Variants in RALGAPA2 observed in about 807,000 individuals in gnomAD.
The protein encoded by RALGAPA2 is ral GTPase-activating protein subunit alpha-2.
RALGAPA2 carries 139 observed loss-of-function variants against 230.4 expected under a neutral mutation model. The ratio of observed to expected loss-of-function variants is 0.60; its 90% CI spans 0.53 to 0.69. The LOEUF is 0.69. RALGAPA2 is among the 30% of genes least tolerant of loss of function. The pLI, the probability that RALGAPA2 is intolerant of heterozygous loss-of-function variation, is 0.00. For missense variants in RALGAPA2, 2,163 were observed against 2,276.0 expected, an observed-to-expected ratio of 0.95 and a Z score of 1.01; for synonymous variants, 847 against 837.8, an observed-to-expected ratio of 1.01 and a Z score of -0.19.
intron 1 of RALGAPA2, among the ~76,000 whole-genome samples, chr20:20,701,629 C>A (rs1332358056): frequency 6.6e-6 from 1 of 152,120 alleles, no homozygotes; most frequent in Non-Finnish European, 1.5e-5. Flanking sequence ...ACTGGAGAGG[C>A]TGAGGCAGGA....
chr20:20,624,732 AT>A (rs909438046), intron 10 of RALGAPA2, among the ~76,000 whole-genome samples: 1 of 151,714 alleles, frequency 6.6e-6, no homozygotes, highest in African/African-American at 2.4e-5. Flanking sequence ...CGTTATTATA[AT>A]TTTTTTTTAG....
chr20:20,699,121 GGTTA>G (rs1163963018), intron 1 of RALGAPA2, among the ~76,000 whole-genome samples: 1 of 150,690 alleles, frequency 6.6e-6, no homozygotes, highest in Non-Finnish European at 1.5e-5. Flanking sequence ...CAATTTTTCT[GGTTA>G]ATTACACGTT....
chr20:20,584,890 T>C lies in RALGAPA2; in HGVS notation c.2505A>G (p.Gln835=), dbSNP rs1255512248. ...LDLKDDLQQT[Q]GKCRERQKSE... ...TCTTCTGTCTTTCCCTACATTTTCC[T>C]TGTGTCTGCTGCAAATCATCTTTCA... is the stretch of plus-strand genomic sequence containing the variant. Residue 835 remains glutamine (Q), a synonymous_variant, in exon 19 of 40, where the codon CAA becomes CAG. Coordinates refer to ENST00000202677, the MANE Select transcript of RALGAPA2 (RefSeq NM_020343.4). 1 of 1,611,626 alleles carries C rather than the reference T, an allele frequency of 6.2e-7. No homozygotes were observed. Among genetic ancestry groups the C allele is most frequent in the South Asian group, 1.1e-5 (1 of 90,810 alleles).
At chr20:20,456,693 T>A (rs1283255264) in intron 37 of RALGAPA2, among the ~76,000 whole-genome samples, 1 of 152,226 alleles carries the variant, frequency 6.6e-6, no homozygotes, top group Non-Finnish European at 1.5e-5. Context: ...CCCAAGCTGT[T>A]CCAGCTATGC....
At chr20:20,658,063 C>T (rs2067650287) in intron 3 of RALGAPA2, among the ~76,000 whole-genome samples, 2 of 152,178 alleles carry the variant, frequency 1.3e-5, no homozygotes, top group South Asian at 4.1e-4. Context: ...AAAGTAATTT[C>T]CAGCTTATTC....
chr20:20,540,076 G>A (rs149352507), intron 24 of RALGAPA2, among the ~76,000 whole-genome samples: 15 of 152,334 alleles, frequency 9.8e-5, no homozygotes, highest in African/African-American at 3.1e-4. Flanking sequence ...ACATGGGAGT[G>A]CAGATATTTC....
intron 13 of RALGAPA2, among the ~76,000 whole-genome samples, chr20:20,612,272 A>T (rs1401183217): frequency 6.6e-6 from 1 of 152,130 alleles, no homozygotes; most frequent in African/African-American, 2.4e-5. Flanking sequence ...ATCATCTTTC[A>T]TATGTAAGAG....
At chr20:20,696,635 A>C (rs1603252099) in intron 1 of RALGAPA2, among the ~76,000 whole-genome samples, 10 of 139,880 alleles carry the variant, frequency 7.1e-5, no homozygotes, top group Admixed American at 1.5e-4. Flanking sequence ...TCTATCCTCC[A>C]CCCCTCCACC....
intron 23 of RALGAPA2, among the ~76,000 whole-genome samples, chr20:20,560,701 C>T (rs552372788): frequency 1.3e-5 from 2 of 152,254 alleles, no homozygotes; most frequent in African/African-American, 2.4e-5. Context: ...GTTAATGTAT[C>T]CTCCTTCCCC....
At chr20:20,705,832 C>T (rs1428115888) in intron 1 of RALGAPA2, among the ~76,000 whole-genome samples, 1 of 152,174 alleles carries the variant, frequency 6.6e-6, no homozygotes, top group African/African-American at 2.4e-5. Context: ...CCACCCCTGG[C>T]TAATTTTTGT....
intron 1 of RALGAPA2, among the ~76,000 whole-genome samples, chr20:20,709,996 T>C (rs2069784766): frequency 6.6e-6 from 1 of 152,202 alleles, no homozygotes; most frequent in African/African-American, 2.4e-5. Flanking sequence ...TTATTCATCA[T>C]ACTCACAATA....
At chr20:20,659,728 T>C in intron 3 of RALGAPA2, 2 of 728,596 alleles carry the variant, frequency 2.7e-6, no homozygotes, top group East Asian at 4.1e-5. Flanking sequence ...GTTATACACC[T>C]TGAAAGATGA....
intron 2 of RALGAPA2, among the ~76,000 whole-genome samples, chr20:20,679,685 A>G (rs2068456064): frequency 6.6e-6 from 1 of 152,122 alleles, no homozygotes. Flanking sequence ...CCCCTCCAGC[A>G]GCAGTGCCGC....
intron 37 of RALGAPA2, among the ~76,000 whole-genome samples, chr20:20,442,492 G>A (rs2060759951): frequency 6.6e-6 from 1 of 152,202 alleles, no homozygotes; most frequent in African/African-American, 2.4e-5. Flanking sequence ...CTCAAAGCAA[G>A]CACCAAAGAA....
At position 20,629,607 on chromosome 20, in the gene RALGAPA2, A is replaced by T; in HGVS notation, c.1006-17T>A. 6.2e-7 allele frequency: 1 copy of T among 1,611,352 alleles called. No individual in the cohort carries two copies. The highest frequency in any genetic ancestry group is 1.1e-5 in the South Asian group (1 of 90,996). On this transcript the variant is annotated splice_polypyrimidine_tract_variant and intron_variant, in intron 9 of 39. Transcript: ENST00000202677. ...ACCAACAGTCTGGAAGAAAGTCAGC[A>T]CACTTCTCAATGATGCTCACCCCCA...
intron 23 of RALGAPA2, among the ~76,000 whole-genome samples, chr20:20,549,464 C>T (rs568440190): frequency 2.0e-5 from 3 of 152,144 alleles, no homozygotes; most frequent in East Asian, 1.9e-4. Flanking sequence ...CTGCCACCCA[C>T]GTAAGACAGC....
At chr20:20,418,224 G>A (rs184254783) in intron 37 of RALGAPA2, among the ~76,000 whole-genome samples, 4 of 152,308 alleles carry the variant, frequency 2.6e-5, no homozygotes, top group Non-Finnish European at 5.9e-5. Context: ...GCAACCAAGA[G>A]ATAAACCATG....
At position 20,557,241 on chromosome 20, in the gene RALGAPA2, G is replaced by A. The variant is rs113599746; in HGVS notation, c.3157-10409C>T. Among the ~76,000 whole-genome samples, 1,213 of 152,190 alleles carry A rather than the reference G, an allele frequency of 8.0e-3. 16 individuals are homozygous for A. Among genetic ancestry groups the A allele is most frequent in the African/African-American group, 0.028 (1,152 of 41,518 alleles). ...AGGGAATTGCTTGAACCCAGGAGGC[G>A]GAGGTTGCAGTGAGCCAAGATCGTG... On this transcript the variant is annotated intron_variant, in intron 23 of 39. Coordinates refer to ENST00000202677, the MANE Select transcript of RALGAPA2 (RefSeq NM_020343.4).
intron 38 of RALGAPA2, among the ~76,000 whole-genome samples, chr20:20,397,227 TAC>T (rs944204355): frequency 3.9e-5 from 6 of 152,242 alleles, no homozygotes; most frequent in Non-Finnish European, 8.8e-5. Flanking sequence ...TTCTGAGTTA[TAC>T]ACAGTGTGTT....
Sources: allele counts gnomAD v4.1 joint callset (sites outside exome capture counted in the v4.1 genomes callset), GRCh38; gene constraint gnomAD v4.1.1; transcripts MANE v1.5; gene names NCBI Gene and HGNC (gene_info 2026-07-23, HGNC 2026-07-21).